MYO1D: variants seen among roughly 807,000 people sequenced by gnomAD.
MYO1D encodes the protein unconventional myosin-Id.
In MYO1D, 83 loss-of-function variants were observed where a neutral mutation model predicts 122.0. The observed-to-expected ratio is 0.68, with a 90% CI of 0.57 to 0.82. The LOEUF (loss-of-function observed/expected upper bound fraction) is 0.82. Ranked by LOEUF, MYO1D falls within the 40% of genes least tolerant of loss-of-function variation. The pLI is 0.00. For missense variants in MYO1D, 1,157 were observed against 1,269.5 expected, an observed-to-expected ratio of 0.91 and a Z score of 1.35; for synonymous variants, 464 against 446.9, an observed-to-expected ratio of 1.04 and a Z score of -0.48.
intron 11 of MYO1D, among the ~76,000 whole-genome samples, chr17:32,751,313 C>T (rs886890205): frequency 1.9e-4 from 29 of 152,060 alleles, no homozygotes; most frequent in African/African-American, 7.0e-4. Context: ...CAGCTCAACA[C>T]ACAGAATAGC....
intron 1 of MYO1D, among the ~76,000 whole-genome samples, chr17:32,837,469 A>G (rs537799142): frequency 6.6e-6 from 1 of 152,196 alleles, no homozygotes; most frequent in East Asian, 1.9e-4. Context: ...ACTGCTGGAC[A>G]TTTAGATTAT....
chr17:32,740,434 G>A (rs988835091), intron 13 of MYO1D, among the ~76,000 whole-genome samples: 1 of 152,106 alleles, frequency 6.6e-6, no homozygotes, highest in African/African-American at 2.4e-5. Flanking sequence ...ACAGTTGTAG[G>A]GAGTCATTTT....
chr17:32,809,431 C>CTTTT (rs57040549), intron 1 of MYO1D, among the ~76,000 whole-genome samples: 14 of 135,928 alleles, frequency 1.0e-4, no homozygotes, highest in Admixed American at 1.5e-4. Flanking sequence ...TGGCCTAGGC[C>CTTTT]TTTTTTTTTT....
At chr17:32,631,987 C>T (rs546802397) in intron 20 of MYO1D, among the ~76,000 whole-genome samples, 3 of 152,308 alleles carry the variant, frequency 2.0e-5, no homozygotes, top group African/African-American at 7.2e-5. Context: ...GAACAGAATG[C>T]TCTTAAGTTA....
At chr17:32,842,502 A>G (rs1028575974) in intron 1 of MYO1D, among the ~76,000 whole-genome samples, 3 of 152,098 alleles carry the variant, frequency 2.0e-5, no homozygotes, top group African/African-American at 7.2e-5. Flanking sequence ...TACTTTATAC[A>G]CTTTAAGGGG....
chr17:32,566,413 G>A (rs1478036432), intron 21 of MYO1D, among the ~76,000 whole-genome samples: 2 of 152,102 alleles, frequency 1.3e-5, no homozygotes, highest in Non-Finnish European at 2.9e-5. Flanking sequence ...GCACGGCACC[G>A]GAGCTGTCTC....
At chr17:32,688,192 A>G (rs566234803) in intron 16 of MYO1D, among the ~76,000 whole-genome samples, 1 of 152,332 alleles carries the variant, frequency 6.6e-6, no homozygotes, top group East Asian at 1.9e-4. Flanking sequence ...CACTCAAGAA[A>G]GCACGTATAA....
chr17:32,633,658 A>G (rs1440412842), intron 20 of MYO1D, among the ~76,000 whole-genome samples: 1 of 150,976 alleles, frequency 6.6e-6, no homozygotes, highest in Admixed American at 6.6e-5. Flanking sequence ...TGAACCCCCC[A>G]CCAGATCAAG....
At chr17:32,781,197 AT>A (rs1445098617) in intron 1 of MYO1D, among the ~76,000 whole-genome samples, 1 of 152,174 alleles carries the variant, frequency 6.6e-6, no homozygotes, top group African/African-American at 2.4e-5. Context: ...ATATACATTT[AT>A]TTTTTTCTCC....
chr17:32,849,223 T>C (rs987495046), intron 1 of MYO1D, among the ~76,000 whole-genome samples: 2 of 150,750 alleles, frequency 1.3e-5, no homozygotes, highest in East Asian at 3.9e-4. Context: ...GGTGGGACTA[T>C]AAACTAGTTC....
intron 16 of MYO1D, among the ~76,000 whole-genome samples, chr17:32,696,627 GTTA>G (rs2089177271): frequency 6.6e-6 from 1 of 152,172 alleles, no homozygotes; most frequent in Non-Finnish European, 1.5e-5. Context: ...TAAAATTCAA[GTTA>G]TTCTAAGTTT....
At chr17:32,705,567 A>T (rs556119501) in intron 16 of MYO1D, among the ~76,000 whole-genome samples, 2 of 152,286 alleles carry the variant, frequency 1.3e-5, no homozygotes, top group South Asian at 4.1e-4. Context: ...GTGGCCGATT[A>T]TCTGTAATTC....
intron 20 of MYO1D, among the ~76,000 whole-genome samples, chr17:32,613,789 C>CA (rs60701225): frequency 0.12 from 6,111 of 50,788 alleles, 1,089 homozygotes; most frequent in African/African-American, 0.23. Context: ...GATTCCATCT[C>CA]AAAAAAAAAA....
At chr17:32,687,026 A>G (rs1343299435) in intron 16 of MYO1D, among the ~76,000 whole-genome samples, 1 of 151,648 alleles carries the variant, frequency 6.6e-6, no homozygotes, top group African/African-American at 2.4e-5. Context: ...AAGAACAAAA[A>G]CTAAATACAC....
rs548141126 is a variant in MYO1D at position 32,775,964 on chromosome 17, C to T, written c.464G>A (p.Arg155His). 11 of 1,613,792 alleles carry T rather than the reference C, an allele frequency of 6.8e-6. No homozygotes were observed. Among genetic ancestry groups the T allele is most frequent in the South Asian group, 3.3e-5 (3 of 91,060 alleles). ...LEAFGNAKTN[R>H]NDNSSRFGKY... Reference sequence around the variant, plus strand: ...TCCAAACCTGCTTGAGTTGTCATTACGGTTGGTTTTGGCATTTCCAAAAGC... The same window carrying T: ...TCCAAACCTGCTTGAGTTGTCATTATGGTTGGTTTTGGCATTTCCAAAAGC... The change falls in exon 4 of 22, where the codon CGT becomes CAT. Residue 155 changes from arginine to histidine, a missense_variant. Transcript: ENST00000318217.
chr17:32,599,050 A>C (rs577014624), intron 21 of MYO1D, among the ~76,000 whole-genome samples: 1 of 152,286 alleles, frequency 6.6e-6, no homozygotes, highest in Non-Finnish European at 1.5e-5. Flanking sequence ...TTTAAATAAG[A>C]TAACCATGAA....
At chr17:32,553,121 A>C (rs958600451) in intron 21 of MYO1D, among the ~76,000 whole-genome samples, 1 of 151,998 alleles carries the variant, frequency 6.6e-6, no homozygotes, top group African/African-American at 2.4e-5. Flanking sequence ...AAAACAAAAA[A>C]ACCAGCAGCA....
intron 21 of MYO1D, among the ~76,000 whole-genome samples, chr17:32,576,248 C>T (rs1161034462): frequency 6.6e-6 from 1 of 152,174 alleles, no homozygotes; most frequent in Non-Finnish European, 1.5e-5. Context: ...TGACTGATGG[C>T]AAGTTTGTAA....
Position 32,809,904 on chromosome 17 carries a change from C to T in MYO1D, c.96-29120G>A, listed in dbSNP as rs183749592. On this transcript the variant is annotated intron_variant, in intron 1 of 21. Transcript: ENST00000318217. ...CTATACAGTATTTGCAGTACAAATTCACAATGATCAATGATCTGCTTCTCT... is the reference window on the plus strand; with the variant it reads ...CTATACAGTATTTGCAGTACAAATTTACAATGATCAATGATCTGCTTCTCT... 2.8e-3 allele frequency among the ~76,000 whole-genome samples: 430 copies of T among 152,298 alleles called. 4 individuals are homozygous for T. Among genetic ancestry groups the T allele is most frequent in the African/African-American group, 8.7e-3 (362 of 41,566 alleles).
Sources: gnomAD v4.1 joint callset for allele counts (sites outside exome capture counted in the v4.1 genomes callset) on GRCh38, gnomAD v4.1.1 for gene constraint, MANE v1.5 for transcripts, NCBI Gene and HGNC (gene_info 2026-07-23, HGNC 2026-07-21) for gene names.